Variants in FBN1 observed in about 807,000 individuals in gnomAD.
The protein encoded by FBN1 is fibrillin-1.
FBN1 carries 29 observed loss-of-function variants against 365.1 expected under a neutral mutation model. The observed-to-expected ratio is 0.08, with a 90% CI of 0.06 to 0.11. FBN1 has a LOEUF of 0.11. Ranked by LOEUF, FBN1 falls within the 10% of genes least tolerant of loss-of-function variation. The pLI is 1.00. For missense variants in FBN1, 2,476 were observed against 3,703.2 expected (o/e 0.67, Z 8.60); for synonymous variants, 1,210 against 1,270.5 (o/e 0.95, Z 1.01).
chr15:48,546,954 G>A (rs1205831431), intron 6 of FBN1, among the ~76,000 whole-genome samples: 3 of 152,098 alleles, frequency 2.0e-5, no homozygotes, highest in African/African-American at 7.2e-5. Flanking sequence ...AGATTAGGCT[G>A]TAAATACTAA....
At position 48,620,797 on chromosome 15, in the gene FBN1, C is replaced by T. The variant is rs115785906; in HGVS notation, c.165-7705G>A. Reference sequence around the variant, plus strand: ...AAGAAATAAAACTGACCAAGAAGAGCACACCTAATGCCTAGATCTTGGTTG... The same window carrying T: ...AAGAAATAAAACTGACCAAGAAGAGTACACCTAATGCCTAGATCTTGGTTG... On this transcript the variant is annotated intron_variant, in intron 2 of 65. Transcript: ENST00000316623. Among the ~76,000 whole-genome samples, 265 of 152,250 alleles carry T rather than the reference C, an allele frequency of 1.7e-3. 1 individual carries two copies. The highest frequency in any genetic ancestry group is 5.9e-3 in the African/African-American group (247 of 41,546).
intron 42 of FBN1, among the ~76,000 whole-genome samples, chr15:48,461,041 AT>A (rs1317176225): frequency 1.3e-5 from 2 of 152,162 alleles, no homozygotes; most frequent in Non-Finnish European, 2.9e-5. Context: ...TCAGATGGCC[AT>A]TGCCTTATTG....
intron 8 of FBN1, among the ~76,000 whole-genome samples, chr15:48,527,109 T>C (rs996520296): frequency 2.6e-5 from 4 of 152,232 alleles, no homozygotes; most frequent in African/African-American, 9.6e-5. Context: ...GCACCCCAGC[T>C]TGCCTTCTCT....
chr15:48,478,235 T>C lies in FBN1; in HGVS notation c.3964+3420A>G, dbSNP rs191010264. Among the ~76,000 whole-genome samples, 10 of 152,190 alleles carry C rather than the reference T, an allele frequency of 6.6e-5. No individual in the cohort carries two copies. In the East Asian group the frequency reaches 1.4e-3, roughly 21 times the overall value. On this transcript the variant is annotated intron_variant, in intron 32 of 65. Transcript: ENST00000316623. ...GCCAACACTATTAACTGAACACCCATGGAGTTTTCACAGGCCGACAGCCAG... is the reference window on the plus strand; with the variant it reads ...GCCAACACTATTAACTGAACACCCACGGAGTTTTCACAGGCCGACAGCCAG...
At chr15:48,553,081 G>T (rs867544403) in intron 6 of FBN1, among the ~76,000 whole-genome samples, 2 of 152,102 alleles carry the variant, frequency 1.3e-5, no homozygotes, top group African/African-American at 4.8e-5. Context: ...ACCATCATAA[G>T]ATTACTGCCA....
In FBN1 at chr15:48,425,827, T is replaced by C. The variant is rs1351888568; in HGVS notation, c.7242A>G (p.Arg2414=). The part of the protein sequence containing the change: ...DECKVIHDVC[R]NGECVNDRGS... ...CTCTGTCATTGACACATTCCCCATT[T>C]CGGCAAACATCGTGAATAACCTTGC... The change falls in exon 59 of 66, where the codon CGA becomes CGG. Residue 2414 remains arginine, a synonymous_variant. Coordinates refer to ENST00000316623, the MANE Select transcript of FBN1 (RefSeq NM_000138.5). 6.2e-7 allele frequency: 1 copy of C among 1,612,380 alleles called. No individual in the cohort carries two copies. Among genetic ancestry groups the C allele is most frequent in the Non-Finnish European group, 8.5e-7 (1 of 1,178,424 alleles).
intron 6 of FBN1, among the ~76,000 whole-genome samples, chr15:48,551,720 T>C (rs974637749): frequency 1.3e-5 from 2 of 152,160 alleles, no homozygotes; most frequent in African/African-American, 4.8e-5. Context: ...CCTCTATGCG[T>C]CCATCTGTTC....
At chr15:48,568,194 A>G (rs2044276244) in intron 6 of FBN1, among the ~76,000 whole-genome samples, 2 of 151,710 alleles carry the variant, frequency 1.3e-5, no homozygotes, top group African/African-American at 2.4e-5. Context: ...ATCAGTATAC[A>G]AAGAGCAGTC....
At chr15:48,578,438 G>A (rs984849014) in intron 6 of FBN1, among the ~76,000 whole-genome samples, 29 of 152,280 alleles carry the variant, frequency 1.9e-4, no homozygotes, top group African/African-American at 6.5e-4. Flanking sequence ...ACTCCTAGGC[G>A]TGTGCTCTCC....
rs144994864 is a variant in FBN1 at position 48,635,737 on chromosome 15, T to C, written c.164+8869A>G. 6.2e-3 allele frequency among the ~76,000 whole-genome samples: 944 copies of C among 152,382 alleles called. 5 individuals are homozygous for C. Among genetic ancestry groups the C allele is most frequent in the Admixed American group, 0.011 (169 of 15,312 alleles). On this transcript the variant is annotated intron_variant, in intron 2 of 65. Transcript: ENST00000316623. ...AAAATGGTTAGATGTTTTGAAATTC[T>C]CATATTTGAATAAAACAAAACATAC...
chr15:48,545,632 G>C (rs1278641028), intron 6 of FBN1, among the ~76,000 whole-genome samples: 3 of 152,082 alleles, frequency 2.0e-5, no homozygotes, highest in Admixed American at 6.6e-5. Context: ...GGGTGACAAG[G>C]TGCACAACAA....
intron 25 of FBN1, among the ~76,000 whole-genome samples, chr15:48,488,918 T>C (rs1008530266): frequency 6.6e-6 from 1 of 152,208 alleles, no homozygotes; most frequent in African/African-American, 2.4e-5. Context: ...TAATACTGTT[T>C]GGTGCTTTTT....
intron 3 of FBN1, among the ~76,000 whole-genome samples, chr15:48,612,229 T>C (rs1259584507): frequency 1.3e-5 from 2 of 152,204 alleles, no homozygotes; most frequent in African/African-American, 4.8e-5. Context: ...GCCAATATAG[T>C]CTATTGAATA....
intron 6 of FBN1, among the ~76,000 whole-genome samples, chr15:48,595,243 G>T (rs1401617196): frequency 6.6e-6 from 1 of 152,152 alleles, no homozygotes; most frequent in Non-Finnish European, 1.5e-5. Context: ...ACCACTCTCT[G>T]CTCTTTGTTT....
chr15:48,615,207 T>A (rs1240842500), intron 2 of FBN1, among the ~76,000 whole-genome samples: 1 of 151,990 alleles, frequency 6.6e-6, no homozygotes, highest in African/African-American at 2.4e-5. Flanking sequence ...GTCCAATCCC[T>A]ACCAAATCCT....
At chr15:48,607,387 T>TA (rs71120623) in intron 4 of FBN1, among the ~76,000 whole-genome samples, 3 of 147,080 alleles carry the variant, frequency 2.0e-5, no homozygotes, top group South Asian at 2.1e-4. Flanking sequence ...TATATATATA[T>TA]TATTGTCTAA....
In FBN1 at chr15:48,427,580, C is replaced by A. The variant is rs2042987428; in HGVS notation, c.7191G>T (p.Met2397Ile). ...TAAATGAAGTACCTGCTCCATTGGT[C>A]ATGAATCCTCGGCCATGGGGACAGA... ...KKLCPHGRGF[M>I]TNGADIDECK... Residue 2397 changes from methionine to isoleucine, a missense_variant, in exon 58 of 66, where the codon ATG becomes ATT. By Grantham distance (10) the Met-to-Ile change is conservative (BLOSUM62 1). Transcript: ENST00000316623. 1.9e-6 allele frequency: 3 copies of A among 1,614,124 alleles called. No individual in the cohort carries two copies. Among genetic ancestry groups the A allele is most frequent in the Non-Finnish European group, 2.5e-6 (3 of 1,179,972 alleles).
At position 48,483,943 on chromosome 15, in the gene FBN1, T is replaced by G; in HGVS notation, c.3713A>C (p.Asp1238Ala). The G allele has an allele frequency of 1.9e-6, 3 of 1,612,670 alleles. No homozygotes were observed. Among genetic ancestry groups the G allele is most frequent in the Non-Finnish European group, 2.5e-6 (3 of 1,179,930 alleles). ...GGGATTATCTTCACACTCATCGATGTCTGCAAAGAATAAAACCAACAACCA... is the reference window on the plus strand; with the variant it reads ...GGGATTATCTTCACACTCATCGATGGCTGCAAAGAATAAAACCAACAACCA... Reference protein sequence around the residue: ...ALMPDQRSCTDIDECEDNPNI... With the variant: ...ALMPDQRSCTAIDECEDNPNI... The change falls in exon 31 of 66, where the codon GAC becomes GCC. Residue 1238 changes from aspartate (D) to alanine (A), a missense_variant and splice_region_variant. Transcript: ENST00000316623.
chr15:48,608,292 T>C (rs1432651149), intron 4 of FBN1, among the ~76,000 whole-genome samples: 2 of 152,166 alleles, frequency 1.3e-5, no homozygotes, highest in Non-Finnish European at 2.9e-5. Flanking sequence ...ATATAAAAAG[T>C]ATAAAATTTT....
Sources: gnomAD v4.1 joint callset for allele counts (sites outside exome capture counted in the v4.1 genomes callset) on GRCh38, gnomAD v4.1.1 for gene constraint, MANE v1.5 for transcripts, NCBI Gene and HGNC (gene_info 2026-07-23, HGNC 2026-07-21) for gene names.